Variants in DOCK2 observed in about 807,000 individuals in gnomAD.
DOCK2 encodes dedicator of cytokinesis 2, also known as dedicator of cytokinesis protein 2.
Under a neutral mutation model 248.9 loss-of-function variants are expected in DOCK2, and 87 were observed. The observed-to-expected ratio is 0.35, with a 90% CI of 0.29 to 0.42. DOCK2 has a LOEUF of 0.42. DOCK2 is among the 10% of genes least tolerant of loss of function. The pLI is 1.00. For missense variants in DOCK2, 1,747 were observed against 2,300.2 expected (o/e 0.76, Z 4.92); for synonymous variants, 805 against 821.6 (o/e 0.98, Z 0.35).
At chr5:169,668,791 G>T (rs573039121) in intron 2 of DOCK2, among the ~76,000 whole-genome samples, 1 of 152,046 alleles carries the variant, frequency 6.6e-6, no homozygotes, top group East Asian at 1.9e-4. Context: ...TTTGTAAATC[G>T]CATTTTAGAC....
chr5:169,699,320 G>A (rs1760818397), intron 11 of DOCK2, 62 bp from the exon 12 acceptor site: 12 of 1,547,142 alleles, frequency 7.8e-6, no homozygotes, highest in Middle Eastern at 1.9e-4. Flanking sequence ...GAGATTCATG[G>A]GACCCCTTGA....
At chr5:169,778,789 G>T (rs1304282009) in intron 25 of DOCK2, among the ~76,000 whole-genome samples, 2 of 152,210 alleles carry the variant, frequency 1.3e-5, no homozygotes, top group African/African-American at 2.4e-5. Flanking sequence ...CACCTTGGGT[G>T]TATAACAAGC....
intron 19 of DOCK2, among the ~76,000 whole-genome samples, chr5:169,715,610 A>T (rs370086): frequency 0.055 from 8,234 of 148,588 alleles, 364 homozygotes; most frequent in African/African-American, 0.12. Flanking sequence ...TTTTTTTTTA[A>T]AAAAGTTTGT....
chr5:169,970,996 G>T (rs538710282), intron 27 of DOCK2, among the ~76,000 whole-genome samples: 1 of 152,006 alleles, frequency 6.6e-6, no homozygotes, highest in African/African-American at 2.4e-5. Flanking sequence ...GTGGGGCAGC[G>T]GGGGGAGGAC....
chr5:169,748,904 G>A (rs1332782670), intron 23 of DOCK2, among the ~76,000 whole-genome samples: 1 of 152,086 alleles, frequency 6.6e-6, no homozygotes, highest in Non-Finnish European at 1.5e-5. Flanking sequence ...TACACATTAG[G>A]CCTGCCATGT....
intron 25 of DOCK2, among the ~76,000 whole-genome samples, chr5:169,781,928 C>G (rs1254963643): frequency 6.6e-6 from 1 of 152,108 alleles, no homozygotes; most frequent in Non-Finnish European, 1.5e-5. Flanking sequence ...TTGCCAGAAC[C>G]CCCGTCTGCA....
At chr5:169,859,639 T>G (rs914971753) in intron 27 of DOCK2, among the ~76,000 whole-genome samples, 1 of 152,240 alleles carries the variant, frequency 6.6e-6, no homozygotes, top group African/African-American at 2.4e-5. Context: ...GGGTTTCAAG[T>G]CTAGCCTTAT....
At chr5:169,775,768 A>G (rs925450334) in intron 25 of DOCK2, among the ~76,000 whole-genome samples, 13 of 152,076 alleles carry the variant, frequency 8.5e-5, no homozygotes, top group African/African-American at 3.1e-4. Context: ...TCAGCCGAAC[A>G]TGAAAGGCCA....
Position 169,714,148 on chromosome 5 carries a change from G to C in DOCK2, c.1780G>C (p.Val594Leu). The change falls in exon 18 of 52, where the codon GTC (valine) becomes CTC (leucine). Residue 594 changes from valine (V) to leucine (L), a missense_variant. Val to Leu is a conservative substitution (Grantham distance 32). Around this residue, in one of 4 missense-constraint regions of DOCK2, gnomAD observed 858 missense variants for 1,183.5 expected, o/e 0.72. Coordinates refer to ENST00000520908, the MANE Select transcript of DOCK2 (RefSeq NM_004946.3). Reference protein sequence around the residue: ...RSSSSVGGLSVSSRDVFSIST... With the variant: ...RSSSSVGGLSLSSRDVFSIST... The stretch of plus-strand genomic sequence containing the variant: ...CTCCAGCAGTGTTGGGGGGCTTTCT[G>C]TCAGCTCCCGGGATGTGTTCTCCAT... 1 of 1,613,768 alleles carries C rather than the reference G, an allele frequency of 6.2e-7. No homozygotes were observed. The highest frequency in any genetic ancestry group is 8.5e-7 in the Non-Finnish European group (1 of 1,179,802).
intron 27 of DOCK2, among the ~76,000 whole-genome samples, chr5:169,886,251 C>A (rs1772962269): frequency 6.6e-6 from 1 of 152,168 alleles, no homozygotes; most frequent in African/African-American, 2.4e-5. Context: ...ATTTGCCTTG[C>A]CTGTTTGAAG....
intron 27 of DOCK2, among the ~76,000 whole-genome samples, chr5:169,901,456 T>C (rs1581385765): frequency 1.3e-5 from 2 of 152,106 alleles, no homozygotes; most frequent in Non-Finnish European, 2.9e-5. Flanking sequence ...TGCATGTGTG[T>C]GTAGGAGAGA....
intron 27 of DOCK2, among the ~76,000 whole-genome samples, chr5:169,922,711 C>A (rs1003500087): frequency 6.6e-6 from 1 of 152,178 alleles, no homozygotes; most frequent in African/African-American, 2.4e-5. Flanking sequence ...TGAGCTGGAG[C>A]CAGATCCTAA....
intron 34 of DOCK2, 39 bp from the exon 35 acceptor site, chr5:170,034,360 C>G: frequency 6.2e-7 from 1 of 1,610,544 alleles, no homozygotes; most frequent in East Asian, 2.2e-5. Flanking sequence ...AGTCTTTCTC[C>G]CCAGCCATGA....
At chr5:169,973,456 A>G (rs1005700629) in intron 27 of DOCK2, among the ~76,000 whole-genome samples, 9 of 152,154 alleles carry the variant, frequency 5.9e-5, no homozygotes, top group African/African-American at 2.2e-4. Flanking sequence ...GACCCTCTGC[A>G]TGTGTCTTCT....
At chr5:169,776,841 G>GAGAAGC in intron 25 of DOCK2, among the ~76,000 whole-genome samples, 1 of 152,306 alleles carries the variant, frequency 6.6e-6, no homozygotes, top group African/African-American at 2.4e-5. Flanking sequence ...CGCCATGATT[G>GAGAAGC]TAAGTTTTCT....
intron 22 of DOCK2, among the ~76,000 whole-genome samples, chr5:169,730,566 G>T (rs964995562): frequency 1.3e-5 from 2 of 152,196 alleles, no homozygotes; most frequent in African/African-American, 4.8e-5. Context: ...GACAAGAAGG[G>T]TTTGTGTCAT....
chr5:169,874,668 C>T (rs1772211283), intron 27 of DOCK2, among the ~76,000 whole-genome samples: 1 of 152,140 alleles, frequency 6.6e-6, no homozygotes, highest in South Asian at 2.1e-4. Flanking sequence ...CGTTTGGTCC[C>T]TTGGCCAGGG....
rs574055676 is a variant in DOCK2, at chr5:169,792,481, G to A, written c.2555-10577G>A. ...TGTGTGTGTGTGTGTGCATATATAC[G>A]TAAATATTTTTTAAAGATGAGCGTC... On this transcript the variant is annotated intron_variant, in intron 25 of 51. Transcript: ENST00000520908. Among the ~76,000 whole-genome samples, 16 of 149,110 alleles carry A rather than the reference G, an allele frequency of 1.1e-4. No individual in the cohort carries two copies. The South Asian group carries it at 1.5e-3, about 14-fold the overall frequency.
chr5:169,910,172 C>T (rs1209946819), intron 27 of DOCK2, among the ~76,000 whole-genome samples: 1 of 152,096 alleles, frequency 6.6e-6, no homozygotes. Context: ...TGATTAGTAC[C>T]GCAGATCCAG....
Sources: gnomAD v4.1 joint callset for allele counts (sites outside exome capture counted in the v4.1 genomes callset) on GRCh38, gnomAD v4.1.1 for gene constraint, gnomAD v4.1.1 regional missense constraint, MANE v1.5 for transcripts, NCBI Gene and HGNC (gene_info 2026-07-23, HGNC 2026-07-21) for gene names.